The following CACNA2D3 variants were observed in gnomAD, a reference collection of about 807,000 sequenced individuals.
The protein encoded by CACNA2D3 is calcium voltage-gated channel auxiliary subunit alpha2delta 3, also known as voltage-dependent calcium channel subunit alpha-2/delta-3.
In CACNA2D3, 60 loss-of-function variants were observed where a neutral mutation model predicts 160.6. The ratio of observed to expected loss-of-function variants is 0.37; its 90% CI spans 0.30 to 0.46. The LOEUF (loss-of-function observed/expected upper bound fraction) is 0.46, where lower values mean the gene tolerates loss of function less well. Among genes scored for constraint, CACNA2D3 ranks in the 20% least tolerant of loss-of-function variants. CACNA2D3 has a pLI of 1.00. For synonymous variants in CACNA2D3, 558 were observed against 492.9 expected (o/e 1.13, Z -1.75); for missense variants, 1,205 against 1,365.0 (o/e 0.88, Z 1.85).
intron 2 of CACNA2D3, among the ~76,000 whole-genome samples, chr3:54,176,234 A>G (rs527310276): frequency 1.3e-5 from 2 of 152,280 alleles, no homozygotes; most frequent in South Asian, 4.1e-4. Context: ...CAACCAGATT[A>G]TTGGCTTTTC....
intron 27 of CACNA2D3, among the ~76,000 whole-genome samples, chr3:54,920,197 C>T (rs1430153534): frequency 6.6e-6 from 1 of 152,226 alleles, no homozygotes; most frequent in Non-Finnish European, 1.5e-5. Context: ...TATTAGCACC[C>T]TCCATTGCAT....
At chr3:54,300,258 C>T (rs1703443038) in intron 2 of CACNA2D3, among the ~76,000 whole-genome samples, 1 of 152,182 alleles carries the variant, frequency 6.6e-6, no homozygotes, top group Non-Finnish European at 1.5e-5. Context: ...TGGTTGACAG[C>T]AGCAGTTTAC....
chr3:54,702,695 A>C (rs997199437), intron 11 of CACNA2D3, among the ~76,000 whole-genome samples: 1 of 150,564 alleles, frequency 6.6e-6, no homozygotes, highest in African/African-American at 2.5e-5. Context: ...CAGAGAACTT[A>C]GAACAGAACT....
At chr3:54,919,940 G>A (rs1274511904) in intron 27 of CACNA2D3, among the ~76,000 whole-genome samples, 1 of 152,166 alleles carries the variant, frequency 6.6e-6, no homozygotes, top group Non-Finnish European at 1.5e-5. Flanking sequence ...CAGGAGCGTT[G>A]TGAGGTCAGA....
At chr3:54,739,494 T>A (rs1405609332) in intron 11 of CACNA2D3, among the ~76,000 whole-genome samples, 5 of 137,320 alleles carry the variant, frequency 3.6e-5, no homozygotes, top group African/African-American at 5.6e-5. Flanking sequence ...ACATGGAGAG[T>A]GCCTGCAAGG....
chr3:55,072,281 A>G (rs1293391623), intron 35 of CACNA2D3, among the ~76,000 whole-genome samples: 1 of 152,190 alleles, frequency 6.6e-6, no homozygotes, highest in Non-Finnish European at 1.5e-5. Flanking sequence ...TTGGGCATTT[A>G]TAGAAAAGAA....
At chr3:54,177,197 G>A (rs1009670186) in intron 2 of CACNA2D3, among the ~76,000 whole-genome samples, 1 of 152,188 alleles carries the variant, frequency 6.6e-6, no homozygotes, top group African/African-American at 2.4e-5. Flanking sequence ...AGTTCCTTAA[G>A]CATAAATACC....
intron 12 of CACNA2D3, among the ~76,000 whole-genome samples, chr3:54,761,515 A>T (rs1175863010): frequency 6.6e-6 from 1 of 152,306 alleles, no homozygotes; most frequent in African/African-American, 2.4e-5. Context: ...TCCTCTGGCA[A>T]TCCTTTTTAA....
At chr3:54,309,536 C>A (rs1382129718) in intron 2 of CACNA2D3, among the ~76,000 whole-genome samples, 1 of 151,884 alleles carries the variant, frequency 6.6e-6, no homozygotes, top group Non-Finnish European at 1.5e-5. Flanking sequence ...CAGAGACCAC[C>A]CATGGCAGAG....
chr3:54,303,818 G>GTTTTTTGTCTTTTT (rs59534343), intron 2 of CACNA2D3, among the ~76,000 whole-genome samples: 1 of 115,006 alleles, frequency 8.7e-6, no homozygotes, highest in Non-Finnish European at 1.7e-5. Context: ...CTTTTTTTCT[G>GTTTTTTGTCTTTTT]TTTTTTTTTT....
At position 55,074,203 on chromosome 3, in the gene CACNA2D3, G is replaced by T. The variant is rs1320138525; in HGVS notation, c.3273G>T (p.Arg1091Ser). ...CTCTGCTTTTGATGCTCTTCTCAAGGTGACACTGACTGAGATGTTCTCTTA... is the reference window on the plus strand; with the variant it reads ...CTCTGCTTTTGATGCTCTTCTCAAGTTGACACTGACTGAGATGTTCTCTTA... ...LLPLLLMLFS[R>S] Residue 1091 changes from arginine (R) to serine (S), a missense_variant, in exon 38 of 38, where the codon AGG (arginine) becomes AGT (serine). By Grantham distance (110) the Arg-to-Ser change is moderately radical. Around this residue, in one of 3 missense-constraint regions of CACNA2D3, gnomAD observed 911 missense variants for 1,002.2 expected, o/e 0.91. Transcript: ENST00000474759. 2 of 1,612,090 alleles carry T rather than the reference G, an allele frequency of 1.2e-6. No homozygotes were observed. Among genetic ancestry groups the T allele is most frequent in the African/African-American group, 2.7e-5 (2 of 74,718 alleles).
chr3:54,814,407 G>A (rs1703403637), intron 13 of CACNA2D3, among the ~76,000 whole-genome samples: 1 of 152,222 alleles, frequency 6.6e-6, no homozygotes, highest in Non-Finnish European at 1.5e-5. Context: ...AAGCAGAGCA[G>A]GTATCTGGCT....
At position 54,285,194 on chromosome 3, in the gene CACNA2D3, G is replaced by A. The variant is rs978479450; in HGVS notation, c.205-35248G>A. Among the ~76,000 whole-genome samples the A allele has an allele frequency of 3.3e-5, 5 of 152,198 alleles. No individual in the cohort carries two copies. The East Asian group carries it at 7.7e-4, about 23-fold the overall frequency. ...CCCTTTCCTAGTCAAAGAAAGGGGT[G>A]ACAGACGGCACCTGGAAAATCGGGT... On this transcript the variant is annotated intron_variant, in intron 2 of 37. Coordinates refer to ENST00000474759, the MANE Select transcript of CACNA2D3 (RefSeq NM_018398.3).
chr3:54,605,690 G>A (rs1698595024), intron 9 of CACNA2D3, among the ~76,000 whole-genome samples: 1 of 152,142 alleles, frequency 6.6e-6, no homozygotes, highest in South Asian at 2.1e-4. Flanking sequence ...TATGAGGCCA[G>A]AGGCTTTGTC....
At chr3:54,398,266 T>C (rs1410325449) in intron 4 of CACNA2D3, among the ~76,000 whole-genome samples, 1 of 125,482 alleles carries the variant, frequency 8.0e-6, no homozygotes, top group African/African-American at 3.0e-5. Context: ...CTTGACTCTT[T>C]ATCCAACTTC....
At chr3:55,018,788 T>A (rs1290137160) in intron 35 of CACNA2D3, among the ~76,000 whole-genome samples, 1 of 152,056 alleles carries the variant, frequency 6.6e-6, no homozygotes, top group South Asian at 2.1e-4. Context: ...TTATTTGGGG[T>A]TTCTGACCTC....
chr3:54,443,745 C>T (rs760215607), intron 4 of CACNA2D3, among the ~76,000 whole-genome samples: 1 of 152,162 alleles, frequency 6.6e-6, no homozygotes, highest in East Asian at 1.9e-4. Context: ...CTTGCCATGT[C>T]TTGTCTTGAA....
At chr3:54,244,514 C>T (rs1702034203) in intron 2 of CACNA2D3, among the ~76,000 whole-genome samples, 1 of 152,208 alleles carries the variant, frequency 6.6e-6, no homozygotes, top group East Asian at 1.9e-4. Context: ...TGGCAGGAGC[C>T]AGGGTTCCCA....
chr3:54,514,131 T>C (rs1359229552), intron 5 of CACNA2D3, among the ~76,000 whole-genome samples: 1 of 152,166 alleles, frequency 6.6e-6, no homozygotes, highest in Non-Finnish European at 1.5e-5. Flanking sequence ...TTTATGAAAA[T>C]AATGTTGCAG....
Sources: allele counts gnomAD v4.1 joint callset (sites outside exome capture counted in the v4.1 genomes callset), GRCh38; gene constraint gnomAD v4.1.1; regional missense constraint gnomAD v4.1.1; transcripts MANE v1.5; gene names NCBI Gene and HGNC (gene_info 2026-07-23, HGNC 2026-07-21).